PLXNA4: variants seen among roughly 807,000 people sequenced by gnomAD.
PLXNA4 encodes plexin-A4.
In PLXNA4, 44 loss-of-function variants were observed where a neutral mutation model predicts 191.8. The observed-to-expected ratio is 0.23, with a 90% CI of 0.18 to 0.29. The LOEUF is 0.29. PLXNA4 is among the 10% of genes least tolerant of loss of function. The pLI, the probability that PLXNA4 is intolerant of heterozygous loss-of-function variation, is 1.00. For missense variants in PLXNA4, 1,800 were observed against 2,488.8 expected, an observed-to-expected ratio of 0.72 and a Z score of 5.89; for synonymous variants, 1,082 against 1,009.5, an observed-to-expected ratio of 1.07 and a Z score of -1.36.
chr7:132,416,047 C>G (rs553038150), intron 3 of PLXNA4, among the ~76,000 whole-genome samples: 1 of 152,344 alleles, frequency 6.6e-6, no homozygotes, highest in Non-Finnish European at 1.5e-5. Context: ...CTTAGTCATA[C>G]TAGCCACATT....
chr7:132,154,104 C>T (rs540480246), intron 25 of PLXNA4, among the ~76,000 whole-genome samples: 7 of 152,304 alleles, frequency 4.6e-5, no homozygotes, highest in African/African-American at 1.7e-4. Flanking sequence ...CTTGGGGGCA[C>T]TGTGAACAGG....
At chr7:132,373,520 A>G (rs1025557122) in intron 3 of PLXNA4, among the ~76,000 whole-genome samples, 7 of 152,168 alleles carry the variant, frequency 4.6e-5, no homozygotes, top group African/African-American at 1.7e-4. Flanking sequence ...AGGGCTGTAG[A>G]TGTACACATT....
rs1026475114 is a variant in PLXNA4, at chr7:132,223,564, G to A, written c.2060C>T (p.Thr687Ile). ...CACTCGGCCTTCCTGGAAGGAGCAGGTCTTGGGGTCATGGGTGCAGACATG... is the reference window on the plus strand; with the variant it reads ...CACTCGGCCTTCCTGGAAGGAGCAGATCTTGGGGTCATGGGTGCAGACATG... ...YRHVCTHDPKTCSFQEGRVKL... is the reference protein window; with the variant it reads ...YRHVCTHDPKICSFQEGRVKL... The change falls in exon 9 of 32, where the codon ACC becomes ATC. Residue 687 changes from threonine to isoleucine, a missense_variant. This residue lies in a region of PLXNA4 where 1,397 missense variants were observed against 1,880.4 expected (regional missense o/e 0.74). Coordinates refer to ENST00000321063, the MANE Select transcript of PLXNA4 (RefSeq NM_020911.2). 45 of 1,613,694 alleles carry A rather than the reference G, an allele frequency of 2.8e-5. No individual in the cohort carries two copies. Among genetic ancestry groups the A allele is most frequent in the Non-Finnish European group, 3.4e-5 (40 of 1,179,884 alleles).
chr7:132,355,879 G>A (rs770542847), intron 3 of PLXNA4, among the ~76,000 whole-genome samples: 11 of 152,116 alleles, frequency 7.2e-5, no homozygotes, highest in Admixed American at 2.0e-4. Context: ...GAGGAGGTAG[G>A]AAGGTACCAT....
intron 4 of PLXNA4, among the ~76,000 whole-genome samples, chr7:132,243,274 C>G (rs959726724): frequency 9.9e-5 from 15 of 152,206 alleles, no homozygotes; most frequent in African/African-American, 3.4e-4. Flanking sequence ...AGCTGCTTGT[C>G]TAGCACTCCA....
chr7:132,265,954 T>C (rs921563071), intron 4 of PLXNA4, among the ~76,000 whole-genome samples: 4 of 152,054 alleles, frequency 2.6e-5, no homozygotes, highest in Non-Finnish European at 5.9e-5. Context: ...TGGGTGGGAA[T>C]AAGAAAAAGT....
At chr7:132,387,927 C>T (rs1047284150) in intron 3 of PLXNA4, among the ~76,000 whole-genome samples, 1 of 152,050 alleles carries the variant, frequency 6.6e-6, no homozygotes, top group Non-Finnish European at 1.5e-5. Context: ...CAGCATAGAG[C>T]CAGAGAGGCT....
chr7:132,223,464 C>T, intron 9 of PLXNA4, 63 bp downstream of exon 9: 1 of 1,390,060 alleles, frequency 7.2e-7, no homozygotes, highest in South Asian at 1.2e-5. Context: ...AAGGGAATGC[C>T]TCTCTTCTGT....
At chr7:132,180,286 G>A (rs529041480) in intron 19 of PLXNA4, among the ~76,000 whole-genome samples, 4 of 152,302 alleles carry the variant, frequency 2.6e-5, no homozygotes, top group African/African-American at 7.2e-5. Flanking sequence ...AAGATATTAC[G>A]GAATTCCCTG....
At chr7:132,239,633 G>T (rs1798813158) in intron 5 of PLXNA4, among the ~76,000 whole-genome samples, 1 of 152,178 alleles carries the variant, frequency 6.6e-6, no homozygotes, top group Non-Finnish European at 1.5e-5. Context: ...GCCTGGCAAG[G>T]TATCATTCAG....
At chr7:132,150,399 G>A (rs1795561660) in intron 25 of PLXNA4, among the ~76,000 whole-genome samples, 2 of 152,242 alleles carry the variant, frequency 1.3e-5, no homozygotes, top group African/African-American at 2.4e-5. Flanking sequence ...GCAGTTGGAT[G>A]CTGGTGGACA....
intron 9 of PLXNA4, among the ~76,000 whole-genome samples, chr7:132,215,217 C>G (rs1797927789): frequency 6.6e-6 from 1 of 152,340 alleles, no homozygotes; most frequent in Admixed American, 6.5e-5. Flanking sequence ...GGTCCCAGTT[C>G]TGGCCACTGC....
At chr7:132,644,690 G>A (rs1441533538) in intron 2 of PLXNA4, among the ~76,000 whole-genome samples, 1 of 152,206 alleles carries the variant, frequency 6.6e-6, no homozygotes, top group East Asian at 1.9e-4. Context: ...TATTTAAAGA[G>A]GAAGATGATG....
intron 22 of PLXNA4, 117 bp from the exon 23 acceptor site, chr7:132,165,317 C>A (rs1210710035): frequency 2.1e-6 from 3 of 1,403,410 alleles, no homozygotes; most frequent in East Asian, 5.0e-5. Context: ...CTGCTTCTAG[C>A]GTTTAGGCCA....
intron 9 of PLXNA4, among the ~76,000 whole-genome samples, chr7:132,211,364 C>A (rs1361822986): frequency 6.6e-6 from 1 of 152,200 alleles, no homozygotes; most frequent in South Asian, 2.1e-4. Context: ...TGGTCCCCAC[C>A]CTCTTTGGGT....
intron 12 of PLXNA4, among the ~76,000 whole-genome samples, chr7:132,199,234 C>A (rs369755356): frequency 3.9e-5 from 6 of 152,320 alleles, no homozygotes; most frequent in Middle Eastern, 3.4e-3. Context: ...CTGTCTCCCT[C>A]CTTGTGGGCT....
intron 3 of PLXNA4, among the ~76,000 whole-genome samples, chr7:132,352,937 G>A (rs1803550270): frequency 6.6e-6 from 1 of 152,094 alleles, no homozygotes; most frequent in South Asian, 2.1e-4. Context: ...TCTTGGTACA[G>A]AGACAAGTAT....
At position 132,124,795 on chromosome 7, in the gene PLXNA4, C is replaced by G. The variant is rs1303590201; in HGVS notation, c.*5684G>C. 1 of 152,234 alleles carries G rather than the reference C, an allele frequency of 6.6e-6. No individual in the cohort carries two copies. Among genetic ancestry groups the G allele is most frequent in the South Asian group, 2.1e-4 (1 of 4,834 alleles). 9.4% of individuals were successfully genotyped at this position (152,234 alleles called of 1,614,324 possible). On this transcript the variant is annotated 3_prime_UTR_variant, in exon 32 of 32. Coordinates refer to ENST00000321063, the MANE Select transcript of PLXNA4 (RefSeq NM_020911.2). ...GCTCCCGCAACCCAGGATTTTCAGC[C>G]TACCTGAATCACCTCACTACCTCTG...
chr7:132,522,826 T>C (rs1445196460), intron 1 of PLXNA4, among the ~76,000 whole-genome samples: 1 of 152,036 alleles, frequency 6.6e-6, no homozygotes, highest in African/African-American at 2.4e-5. Flanking sequence ...TCACTGGGGA[T>C]TGTATAGCAA....
Sources: gnomAD v4.1 joint callset for allele counts (sites outside exome capture counted in the v4.1 genomes callset) on GRCh38, gnomAD v4.1.1 for gene constraint, gnomAD v4.1.1 regional missense constraint, MANE v1.5 for transcripts, NCBI Gene and HGNC (gene_info 2026-07-23, HGNC 2026-07-21) for gene names.